The following PCDH9 variants were observed in gnomAD, a reference collection of about 807,000 sequenced individuals.
The protein encoded by PCDH9 is protocadherin-9.
A neutral mutation model predicts 70.6 loss-of-function variants in PCDH9; 24 were observed. The ratio of observed to expected loss-of-function variants is 0.34; its 90% confidence interval spans 0.25 to 0.48. The LOEUF (loss-of-function observed/expected upper bound fraction) is 0.48. PCDH9 is among the 20% of genes least tolerant of loss of function. PCDH9 has a pLI of 0.99. For missense variants in PCDH9, 1,281 were observed against 1,503.6 expected (o/e 0.85, Z 2.45); for synonymous variants, 562 against 558.5 (o/e 1.01, Z -0.09).
At chr13:66,586,600 T>G (rs2076966605) in intron 4 of PCDH9, among the ~76,000 whole-genome samples, 1 of 152,052 alleles carries the variant, frequency 6.6e-6, no homozygotes, top group East Asian at 1.9e-4. Context: ...GTAAAAACAC[T>G]TTTCAAACCT....
chr13:66,890,447 A>G (rs770273339), intron 3 of PCDH9, among the ~76,000 whole-genome samples: 122 of 120,988 alleles, frequency 1.0e-3, no homozygotes, highest in Non-Finnish European at 1.9e-3. Flanking sequence ...AGACTTCTGA[A>G]CTTTTTTTTT....
chr13:66,683,927 T>C (rs1010964576), intron 3 of PCDH9, among the ~76,000 whole-genome samples: 1 of 152,210 alleles, frequency 6.6e-6, no homozygotes, highest in African/African-American at 2.4e-5. Context: ...ATAATTTATT[T>C]GTAAAATGAC....
At chr13:66,967,764 T>C (rs1363778927) in intron 2 of PCDH9, among the ~76,000 whole-genome samples, 2 of 152,116 alleles carry the variant, frequency 1.3e-5, no homozygotes, top group Admixed American at 6.6e-5. Context: ...AACTCTACTA[T>C]AGAATTTACA....
intron 2 of PCDH9, among the ~76,000 whole-genome samples, chr13:67,197,712 G>A (rs997239302): frequency 1.3e-5 from 2 of 151,860 alleles, no homozygotes; most frequent in African/African-American, 4.8e-5. Context: ...ATTTAAAGCA[G>A]CAAATATATT....
chr13:66,425,573 T>A (rs1427312055), intron 4 of PCDH9, among the ~76,000 whole-genome samples: 7 of 149,314 alleles, frequency 4.7e-5, no homozygotes, highest in East Asian at 2.0e-4. Context: ...AAAAAAAAAA[T>A]ACCTTTGACT....
intron 2 of PCDH9, among the ~76,000 whole-genome samples, chr13:66,989,268 T>C (rs1451496551): frequency 6.6e-6 from 1 of 151,960 alleles, no homozygotes; most frequent in Non-Finnish European, 1.5e-5. Flanking sequence ...TTTATGGTTA[T>C]CACTCATTAA....
chr13:66,535,538 C>T (rs540045891), intron 4 of PCDH9, among the ~76,000 whole-genome samples: 2 of 152,178 alleles, frequency 1.3e-5, no homozygotes, highest in East Asian at 3.9e-4. Context: ...ATAATCCCAA[C>T]TACAACAATT....
rs867017981 is a variant in PCDH9, at chr13:66,423,497, A to T, written c.3341-118469T>A. ...TATCCACCACAATCAAGTCAGCTTC[A>T]TCCCTGGGATGCAAGGCTGGTTAAC... On this transcript the variant is annotated intron_variant, in intron 4 of 4. Coordinates refer to ENST00000377865, the MANE Select transcript of PCDH9 (RefSeq NM_203487.3). Among the ~76,000 whole-genome samples the T allele has an allele frequency of 2.0e-4, 31 of 152,342 alleles. No homozygotes were observed. In the Middle Eastern group the frequency reaches 0.01, roughly 50 times the overall value.
At chr13:66,448,770 G>T (rs561441535) in intron 4 of PCDH9, among the ~76,000 whole-genome samples, 1 of 152,284 alleles carries the variant, frequency 6.6e-6, no homozygotes, top group African/African-American at 2.4e-5. Context: ...TAAAACATTT[G>T]CTGCGTACTA....
chr13:67,087,105 A>AT (rs1331968948), intron 2 of PCDH9, among the ~76,000 whole-genome samples: 1 of 151,604 alleles, frequency 6.6e-6, no homozygotes, highest in African/African-American at 2.4e-5. Flanking sequence ...AAAAAAAAAA[A>AT]AAAAATTAAA....
intron 3 of PCDH9, among the ~76,000 whole-genome samples, chr13:66,720,053 G>C (rs2078921368): frequency 6.6e-6 from 1 of 152,122 alleles, no homozygotes; most frequent in African/African-American, 2.4e-5. Flanking sequence ...CCATGTTTTA[G>C]CTCTTAGGAT....
intron 2 of PCDH9, among the ~76,000 whole-genome samples, chr13:67,117,572 A>T (rs570206514): frequency 1.3e-5 from 2 of 152,298 alleles, no homozygotes; most frequent in Admixed American, 1.3e-4. Flanking sequence ...AGAGTAAAGT[A>T]TAAATTTGTA....
intron 4 of PCDH9, among the ~76,000 whole-genome samples, chr13:66,398,658 A>G (rs1217346702): frequency 6.6e-6 from 1 of 152,196 alleles, no homozygotes; most frequent in African/African-American, 2.4e-5. Flanking sequence ...GTACCTATTT[A>G]GAAAAGTTAA....
In PCDH9 at chr13:66,362,667, CCTCT is replaced by C. The variant is rs368682094; in HGVS notation, c.3341-57643_3341-57640del. On this transcript the variant is annotated intron_variant, in intron 4 of 4. Coordinates refer to ENST00000377865, the MANE Select transcript of PCDH9 (RefSeq NM_203487.3). ...TTCTTCTTCTTTGTCTCTCTCTGTT[CCTCT>C]CTCTCTTTCATTTTCTCTCTCTGTG... Among the ~76,000 whole-genome samples the C allele has an allele frequency of 1.1e-4, 16 of 151,554 alleles. No homozygotes were observed. The East Asian group carries it at 1.9e-3, about 18-fold the overall frequency.
Position 66,631,319 on chromosome 13 carries a change from T to A in PCDH9, c.3231A>T (p.Gly1077=). The A allele has an allele frequency of 6.2e-7, 1 of 1,605,648 alleles. No individual in the cohort carries two copies. The highest frequency in any genetic ancestry group is 8.5e-7 in the Non-Finnish European group (1 of 1,172,474). The change falls in exon 4 of 5, where the codon GGA becomes GGT. Residue 1077 remains glycine, a synonymous_variant. Transcript: ENST00000377865. ...GAGGAAGAGGGTGTGAGATCAGGGT[T>A]CCACTACCCACCGGCTCATGGTCTC... ...GLGDHEPVGS[G]TLISHPLPLV...
At chr13:66,997,925 G>C (rs1237124255) in intron 2 of PCDH9, among the ~76,000 whole-genome samples, 1 of 152,148 alleles carries the variant, frequency 6.6e-6, no homozygotes. Flanking sequence ...TTCTGGGCCA[G>C]GTTACATGAA....
chr13:66,411,350 G>T (rs1462380531), intron 4 of PCDH9, among the ~76,000 whole-genome samples: 2 of 152,144 alleles, frequency 1.3e-5, no homozygotes, highest in African/African-American at 4.8e-5. Context: ...GCAGTAATGT[G>T]ATCACAGCTC....
chr13:66,702,016 G>A lies in PCDH9; in HGVS notation c.3139-70605C>T, dbSNP rs967428467. Among the ~76,000 whole-genome samples the A allele has an allele frequency of 5.3e-5, 8 of 152,212 alleles. No individual in the cohort carries two copies. The East Asian group carries it at 7.7e-4, about 15-fold the overall frequency. Reference sequence around the variant, plus strand: ...TCTTATTGTGAAGAACATGCCCTTCGTCGGAAAGCTGAGCTGCCCAGAGTG... The same window carrying A: ...TCTTATTGTGAAGAACATGCCCTTCATCGGAAAGCTGAGCTGCCCAGAGTG... On this transcript the variant is annotated intron_variant, in intron 3 of 4. Coordinates refer to ENST00000377865, the MANE Select transcript of PCDH9 (RefSeq NM_203487.3).
chr13:67,168,744 T>C (rs146768445), intron 2 of PCDH9, among the ~76,000 whole-genome samples: 22 of 152,234 alleles, frequency 1.4e-4, no homozygotes, highest in African/African-American at 4.6e-4. Context: ...CCAAGTAAAA[T>C]GTAGTAACAA....
Sources: gnomAD v4.1 joint callset for allele counts (sites outside exome capture counted in the v4.1 genomes callset) on GRCh38, gnomAD v4.1.1 for gene constraint, MANE v1.5 for transcripts, NCBI Gene and HGNC (gene_info 2026-07-23, HGNC 2026-07-21) for gene names.